ATF7: variants seen among roughly 807,000 people sequenced by gnomAD.
ATF7 encodes activating transcription factor 7, also known as cyclic AMP-dependent transcription factor ATF-7.
Under a neutral mutation model 50.4 loss-of-function variants are expected in ATF7, and 10 were observed. The ratio of observed to expected loss-of-function variants is 0.20; its 90% CI spans 0.12 to 0.34. The LOEUF (loss-of-function observed/expected upper bound fraction) is 0.34. ATF7 is among the 10% of genes least tolerant of loss of function. The probability of loss-of-function intolerance (pLI) is 1.00; values close to 1 mark genes in which losing one functional copy is unlikely to be tolerated. For synonymous variants in ATF7, 201 were observed against 226.4 expected (o/e 0.89, Z 1.01); for missense variants, 465 against 613.9 (o/e 0.76, Z 2.56).
chr12:53,546,055 G>A (rs1939884414), intron 3 of ATF7, among the ~76,000 whole-genome samples: 2 of 152,144 alleles, frequency 1.3e-5, no homozygotes, highest in Admixed American at 1.3e-4. Flanking sequence ...AGCCAGGCAT[G>A]GTGGCGCATG....
chr12:53,527,509 G>A (rs1235593697), intron 9 of ATF7, among the ~76,000 whole-genome samples: 1 of 152,002 alleles, frequency 6.6e-6, no homozygotes, highest in Non-Finnish European at 1.5e-5. Flanking sequence ...AAGATGCTGG[G>A]CATGGTGGTT....
intron 1 of ATF7, among the ~76,000 whole-genome samples, chr12:53,602,775 G>A (rs1216711286): frequency 1.3e-5 from 2 of 152,194 alleles, no homozygotes; most frequent in Non-Finnish European, 2.9e-5. Context: ...CAGGATGAGG[G>A]GGGTTTTCTG....
At chr12:53,518,840 T>C (rs1445348989) in intron 11 of ATF7, among the ~76,000 whole-genome samples, 2 of 150,794 alleles carry the variant, frequency 1.3e-5, no homozygotes, top group Admixed American at 6.6e-5. Context: ...GGTCAGGAGA[T>C]CGAGACTACC....
chr12:53,605,879 A>C (rs1943579150), intron 1 of ATF7, among the ~76,000 whole-genome samples: 1 of 152,224 alleles, frequency 6.6e-6, no homozygotes, highest in South Asian at 2.1e-4. Context: ...ATATTTAATA[A>C]ATATTTAAAG....
Position 53,543,772 on chromosome 12 carries a change from C to T in ATF7, c.146-324G>A, listed in dbSNP as rs565999350. ...AACCAAACCACCCACACAGGTGACA[C>T]AGTTTTGTGAAACCTCTAGATTTGA... On this transcript the variant is annotated intron_variant, in intron 3 of 11. Coordinates refer to ENST00000420353, the MANE Select transcript of ATF7 (RefSeq NM_006856.3). 9 of 258,096 alleles carry T rather than the reference C, an allele frequency of 3.5e-5. No individual in the cohort carries two copies. In the East Asian group the frequency reaches 7.1e-4, roughly 20 times the overall value. The allele number at this position is 258,096 out of a possible 1,614,324, so 16.0% of individuals were successfully genotyped here. A position where few individuals can be genotyped will look rare whatever the true frequency, so the allele number is the denominator to read the frequency against.
chr12:53,599,770 A>G (rs900116689), intron 2 of ATF7, among the ~76,000 whole-genome samples: 1 of 152,200 alleles, frequency 6.6e-6, no homozygotes, highest in Non-Finnish European at 1.5e-5. Flanking sequence ...ACACACCACC[A>G]GTAAGTGTCA....
chr12:53,516,866 C>G lies in ATF7; in HGVS notation c.*271G>C. 2.0e-6 allele frequency: 1 copy of G among 507,980 alleles called. No homozygotes were observed. The highest frequency in any genetic ancestry group is 3.6e-6 in the Non-Finnish European group (1 of 277,954). 31.5% of individuals were successfully genotyped at this position (507,980 alleles called of 1,614,324 possible). A position where few individuals can be genotyped will look rare whatever the true frequency, so the allele number is the denominator to read the frequency against. On this transcript the variant is annotated 3_prime_UTR_variant, in exon 12 of 12. Coordinates refer to ENST00000420353, the MANE Select transcript of ATF7 (RefSeq NM_006856.3). ...CATGGGGCAGGGGTGATTGTTCGGA[C>G]CATCTGGAAAGGCCTTTGGCTGTGG...
At chr12:53,600,268 T>C (rs2137819052) in intron 2 of ATF7, among the ~76,000 whole-genome samples, 1 of 152,336 alleles carries the variant, frequency 6.6e-6, no homozygotes, top group East Asian at 1.9e-4. Flanking sequence ...AGTGGGTACA[T>C]TATCAGCTGC....
chr12:53,594,950 G>A (rs1361970631), intron 2 of ATF7, among the ~76,000 whole-genome samples: 1 of 151,590 alleles, frequency 6.6e-6, no homozygotes, highest in East Asian at 1.9e-4. Flanking sequence ...ACGTAAGAGC[G>A]GTCTACTTCC....
intron 9 of ATF7, among the ~76,000 whole-genome samples, chr12:53,531,516 TG>T (rs1165531179): frequency 6.6e-6 from 1 of 151,584 alleles, no homozygotes; most frequent in Non-Finnish European, 1.5e-5. Flanking sequence ...GAATAAAGAA[TG>T]GTGTGTTTTT....
At chr12:53,553,120 G>A (rs1198692761) in intron 2 of ATF7, among the ~76,000 whole-genome samples, 4 of 152,182 alleles carry the variant, frequency 2.6e-5, no homozygotes, top group Non-Finnish European at 5.9e-5. Flanking sequence ...TGCAGGATTA[G>A]GAGAACCATT....
intron 3 of ATF7, 48 bp from the exon 4 acceptor site, chr12:53,543,496 T>C: frequency 6.8e-7 from 1 of 1,469,986 alleles, no homozygotes; most frequent in Non-Finnish European, 9.2e-7. Context: ...GATCTGAAAT[T>C]AAAACTTGAT....
At chr12:53,556,919 T>A (rs1472795133) in intron 2 of ATF7, among the ~76,000 whole-genome samples, 1 of 152,172 alleles carries the variant, frequency 6.6e-6, no homozygotes, top group Non-Finnish European at 1.5e-5. Flanking sequence ...TAGCTAAAAT[T>A]ATTATCATAG....
At chr12:53,528,007 A>G (rs1938579700) in intron 9 of ATF7, among the ~76,000 whole-genome samples, 1 of 151,694 alleles carries the variant, frequency 6.6e-6, no homozygotes, top group African/African-American at 2.4e-5. Flanking sequence ...ATGCCTGGCT[A>G]ATTTTTTATA....
chr12:53,617,521 C>T (rs893416359), intron 1 of ATF7, among the ~76,000 whole-genome samples: 9 of 152,050 alleles, frequency 5.9e-5, no homozygotes, highest in African/African-American at 1.9e-4. Context: ...CCCAGCTACT[C>T]GGGAGGCTGA....
intron 9 of ATF7, among the ~76,000 whole-genome samples, chr12:53,525,634 C>A (rs557342380): frequency 6.6e-6 from 1 of 152,156 alleles, no homozygotes; most frequent in East Asian, 1.9e-4. Flanking sequence ...TACTGAAGAA[C>A]CCCCTTTTGT....
chr12:53,547,359 C>T (rs1460210129), intron 3 of ATF7, among the ~76,000 whole-genome samples: 12 of 138,476 alleles, frequency 8.7e-5, no homozygotes, highest in African/African-American at 3.3e-4. Context: ...AATTTTGGCT[C>T]ACTGCAACCT....
At chr12:53,614,127 A>G (rs1244148549) in intron 1 of ATF7, among the ~76,000 whole-genome samples, 1 of 152,202 alleles carries the variant, frequency 6.6e-6, no homozygotes, top group Non-Finnish European at 1.5e-5. Context: ...GCAGCTTCAT[A>G]CAGGCAACTA....
chr12:53,601,091 C>CA, intron 1 of ATF7, 70 bp from the exon 2 acceptor site: 1 of 1,091,906 alleles, frequency 9.2e-7, no homozygotes, highest in Non-Finnish European at 1.3e-6. Flanking sequence ...AAAAGTGCTT[C>CA]AAAAATATCA....
Sources: gnomAD v4.1 joint callset for allele counts (sites outside exome capture counted in the v4.1 genomes callset) on GRCh38, gnomAD v4.1.1 for gene constraint, MANE v1.5 for transcripts, NCBI Gene and HGNC (gene_info 2026-07-23, HGNC 2026-07-21) for gene names.